TSGA10: variants seen among roughly 807,000 people sequenced by gnomAD.
TSGA10 encodes testis-specific gene 10 protein.
Under a neutral mutation model 96.6 loss-of-function variants are expected in TSGA10, and 43 were observed. That is an observed-to-expected ratio of 0.44 (90% CI 0.35 to 0.57). The LOEUF is 0.57. TSGA10 is among the 20% of genes least tolerant of loss of function. TSGA10 has a pLI of 0.01. For missense variants in TSGA10, 703 were observed against 834.4 expected (o/e 0.84, Z 1.94); for synonymous variants, 229 against 269.9 (o/e 0.85, Z 1.48).
At chr2:99,101,289 A>G (rs1302789031) in intron 10 of TSGA10, among the ~76,000 whole-genome samples, 2 of 146,042 alleles carry the variant, frequency 1.4e-5, no homozygotes, top group Non-Finnish European at 3.0e-5. Flanking sequence ...TCAAATGGGA[A>G]AGATGAATAA....
At chr2:99,041,461 A>G (rs1026485988) in intron 16 of TSGA10, among the ~76,000 whole-genome samples, 3 of 152,234 alleles carry the variant, frequency 2.0e-5, no homozygotes, top group Non-Finnish European at 2.9e-5. Flanking sequence ...CCAAAATAGC[A>G]TGGTACTGGT....
chr2:99,128,335 T>C (rs1427122689), intron 1 of TSGA10, among the ~76,000 whole-genome samples: 2 of 152,240 alleles, frequency 1.3e-5, no homozygotes, highest in Non-Finnish European at 2.9e-5. Flanking sequence ...TTTCAAATTA[T>C]GAAGCATTTA....
chr2:99,105,588 A>G lies in TSGA10; in HGVS notation c.320T>C (p.Val107Ala), dbSNP rs2091260187. 4 of 1,611,662 alleles carry G rather than the reference A, an allele frequency of 2.5e-6. No homozygotes were observed. The highest frequency in any genetic ancestry group is 3.4e-6 in the Non-Finnish European group (4 of 1,177,926). ...ILRRVETERD[V>A]AFTDLRRMTT... ...CATTCTTCGTAAATCAGTAAAGGCTACATCTCTTTCAGTCTCCACTCGCCG... is the reference window on the plus strand; with the variant it reads ...CATTCTTCGTAAATCAGTAAAGGCTGCATCTCTTTCAGTCTCCACTCGCCG... The change falls in exon 8 of 21, where the codon GTA becomes GCA. Residue 107 changes from valine to alanine, a missense_variant. Physicochemically the swap from Val to Ala is moderately conservative, Grantham distance 64. This residue lies in a region of TSGA10 where 585 missense variants were observed against 656.8 expected (regional missense o/e 0.89). Coordinates refer to ENST00000393483, the MANE Select transcript of TSGA10 (RefSeq NM_025244.4).
chr2:99,013,537 T>C (rs902784220), intron 20 of TSGA10, among the ~76,000 whole-genome samples: 4 of 151,378 alleles, frequency 2.6e-5, no homozygotes, highest in Non-Finnish European at 2.9e-5. Flanking sequence ...TTTACCATGT[T>C]AGCCAGGATG....
At chr2:99,028,582 T>C (rs150349296) in intron 17 of TSGA10, among the ~76,000 whole-genome samples, 71 of 152,084 alleles carry the variant, frequency 4.7e-4, no homozygotes, top group African/African-American at 1.6e-3. Context: ...TAACTGAAAA[T>C]TTGCACCCCT....
intron 1 of TSGA10, among the ~76,000 whole-genome samples, chr2:99,133,057 T>A (rs749673126): frequency 1.3e-4 from 20 of 152,198 alleles, no homozygotes; most frequent in Non-Finnish European, 2.6e-4. Context: ...GAGAAGAATG[T>A]ATATTCTGTT....
chr2:99,051,160 A>G (rs140726183), intron 16 of TSGA10, among the ~76,000 whole-genome samples: 254 of 152,290 alleles, frequency 1.7e-3, no homozygotes, highest in Middle Eastern at 6.8e-3. Context: ...TATCAATAAT[A>G]TTAAATGTAA....
chr2:99,036,978 C>CA (rs1193272845), intron 16 of TSGA10, among the ~76,000 whole-genome samples: 2 of 151,768 alleles, frequency 1.3e-5, no homozygotes, highest in Non-Finnish European at 2.9e-5. Context: ...ATACGTAAGC[C>CA]AAAAAAATTG....
intron 4 of TSGA10, among the ~76,000 whole-genome samples, chr2:99,116,575 C>A (rs911923311): frequency 6.6e-6 from 1 of 150,734 alleles, no homozygotes; most frequent in African/African-American, 2.4e-5. Context: ...CTAGCAGTAT[C>A]AACAGAAGGA....
At chr2:99,002,699 TAA>T (rs2078046871) in intron 20 of TSGA10, among the ~76,000 whole-genome samples, 2 of 151,994 alleles carry the variant, frequency 1.3e-5, no homozygotes, top group African/African-American at 4.8e-5. Flanking sequence ...GCAAATTGGA[TAA>T]AGAGTCAAGA....
intron 16 of TSGA10, among the ~76,000 whole-genome samples, chr2:99,049,418 A>G (rs755527742): frequency 7.9e-5 from 12 of 152,228 alleles, no homozygotes; most frequent in African/African-American, 4.8e-5. Flanking sequence ...GGATGAGTTC[A>G]TGTTCTTTAC....
At position 99,080,485 on chromosome 2, in the gene TSGA10, T is replaced by C. The variant is rs370040144; in HGVS notation, c.727+797A>G. Among the ~76,000 whole-genome samples the C allele has an allele frequency of 2.9e-4, 44 of 152,324 alleles. No individual in the cohort carries two copies. In the East Asian group the frequency reaches 5.8e-3, roughly 20 times the overall value. The stretch of plus-strand genomic sequence containing the variant: ...AAAATATCATTTATATGCTGATGTG[T>C]CCCAAATATGTATCTTTCTCTTCTG... On this transcript the variant is annotated intron_variant, in intron 11 of 20. Transcript: ENST00000393483.
chr2:99,054,591 T>A (rs984589452), intron 16 of TSGA10, among the ~76,000 whole-genome samples: 5 of 152,070 alleles, frequency 3.3e-5, no homozygotes, highest in Non-Finnish European at 4.4e-5. Context: ...TGGGAAAAAA[T>A]TTGTAAACCA....
chr2:99,126,104 G>A (rs911193756), intron 2 of TSGA10: 1 of 152,442 alleles, frequency 6.6e-6, no homozygotes, highest in Non-Finnish European at 1.5e-5. Flanking sequence ...TGTGGGAGGA[G>A]TGGGTAGGTG....
chr2:99,055,213 G>A (rs1216275397), intron 16 of TSGA10, among the ~76,000 whole-genome samples: 1 of 152,098 alleles, frequency 6.6e-6, no homozygotes, highest in Non-Finnish European at 1.5e-5. Context: ...GTGACCACAT[G>A]GATGACCCTA....
intron 10 of TSGA10, 79 bp downstream of exon 10, chr2:99,103,888 T>G (rs569412749): frequency 7.5e-5 from 111 of 1,489,500 alleles, no homozygotes; most frequent in Non-Finnish European, 8.9e-5. Context: ...AACAAATAAT[T>G]TTCATTATAA....
At chr2:99,015,559 G>T (rs2079438084) in intron 20 of TSGA10, among the ~76,000 whole-genome samples, 1 of 152,264 alleles carries the variant, frequency 6.6e-6, no homozygotes, top group South Asian at 2.1e-4. Context: ...AATGGGGACA[G>T]TTGAAAGCAT....
chr2:99,013,516 T>G (rs1009915377), intron 20 of TSGA10, among the ~76,000 whole-genome samples: 1 of 151,584 alleles, frequency 6.6e-6, no homozygotes, highest in Non-Finnish European at 1.5e-5. Context: ...GTATTTTTAG[T>G]AGAGACGGGT....
intron 1 of TSGA10, among the ~76,000 whole-genome samples, chr2:99,149,928 G>A (rs1318541311): frequency 1.3e-5 from 2 of 151,716 alleles, no homozygotes; most frequent in Non-Finnish European, 2.9e-5. Flanking sequence ...GAATAGCTGG[G>A]ATTTCAGGTG....
Sources: allele counts gnomAD v4.1 joint callset (sites outside exome capture counted in the v4.1 genomes callset), GRCh38; gene constraint gnomAD v4.1.1; regional missense constraint gnomAD v4.1.1; transcripts MANE v1.5; gene names NCBI Gene and HGNC (gene_info 2026-07-23, HGNC 2026-07-21).